The following CASR variants were observed in gnomAD, a reference collection of about 807,000 sequenced individuals.
CASR encodes the protein extracellular calcium-sensing receptor.
Under a neutral mutation model 69.1 loss-of-function variants are expected in CASR, and 23 were observed. The observed-to-expected ratio is 0.33, with a 90% confidence interval of 0.24 to 0.47. CASR has a LOEUF of 0.47. Among genes scored for constraint, CASR ranks in the 20% least tolerant of loss-of-function variants. The probability of loss-of-function intolerance (pLI) is 1.00; values close to 1 mark genes in which losing one functional copy is unlikely to be tolerated. For synonymous variants in CASR, 541 were observed against 544.7 expected, an observed-to-expected ratio of 0.99 and a Z score of 0.10; for missense variants, 924 against 1,356.1, an observed-to-expected ratio of 0.68 and a Z score of 5.00.
In CASR at chr3:122,227,534, C is replaced by T. The variant is rs372595380; in HGVS notation, c.-242-26414C>T. Among the ~76,000 whole-genome samples the T allele has an allele frequency of 3.9e-4, 59 of 152,324 alleles. No individual in the cohort carries two copies. The East Asian group carries it at 9.5e-3, about 24-fold the overall frequency. Reference sequence around the variant, plus strand: ...GCTGGCCCGCAAGCACCGTGTGCAGCCCTGGTTCCCACCCACGCCTCTCCC... The same window carrying T: ...GCTGGCCCGCAAGCACCGTGTGCAGTCCTGGTTCCCACCCACGCCTCTCCC... On this transcript the variant is annotated intron_variant, in intron 1 of 6. Transcript: ENST00000639785.
intron 4 of CASR, among the ~76,000 whole-genome samples, chr3:122,266,318 G>A (rs2074693544): frequency 1.3e-5 from 2 of 151,796 alleles, no homozygotes; most frequent in Non-Finnish European, 2.9e-5. Context: ...TGCATGTCCT[G>A]TATTTGCCCC....
intron 1 of CASR, among the ~76,000 whole-genome samples, chr3:122,241,518 T>C (rs1388421854): frequency 6.6e-6 from 1 of 151,842 alleles, no homozygotes; most frequent in African/African-American, 2.4e-5. Context: ...TAAAAAGTAA[T>C]GAAAACAAAG....
chr3:122,219,718 A>G (rs1224428059), intron 1 of CASR, among the ~76,000 whole-genome samples: 1 of 152,230 alleles, frequency 6.6e-6, no homozygotes, highest in East Asian at 1.9e-4. Flanking sequence ...TATGCCACCT[A>G]TGACACCATT....
chr3:122,220,624 C>G (rs1168762890), intron 1 of CASR, among the ~76,000 whole-genome samples: 4 of 152,172 alleles, frequency 2.6e-5, no homozygotes, highest in African/African-American at 9.7e-5. Flanking sequence ...CTTCTAAACT[C>G]TCTGCTTTGG....
At chr3:122,221,537 A>G (rs1046489652) in intron 1 of CASR, among the ~76,000 whole-genome samples, 9 of 152,194 alleles carry the variant, frequency 5.9e-5, no homozygotes, top group African/African-American at 2.2e-4. Context: ...AAGAGGCTCT[A>G]CTTCTGCAAT....
chr3:122,188,227 C>T (rs2073805578), intron 1 of CASR, among the ~76,000 whole-genome samples: 1 of 152,130 alleles, frequency 6.6e-6, no homozygotes, highest in Non-Finnish European at 1.5e-5. Flanking sequence ...TAATGATGGC[C>T]TGAACCATGG....
At chr3:122,252,445 G>GAAAGAA in intron 1 of CASR, among the ~76,000 whole-genome samples, 1 of 67,844 alleles carries the variant, frequency 1.5e-5, no homozygotes, top group African/African-American at 6.5e-5. Context: ...AAGAAAGAAA[G>GAAAGAA]AAAAAAAAGA....
intron 1 of CASR, among the ~76,000 whole-genome samples, chr3:122,192,898 C>G (rs772519540): frequency 3.7e-4 from 56 of 152,294 alleles, no homozygotes; most frequent in Middle Eastern, 3.4e-3. Flanking sequence ...ATACAGATTT[C>G]ATGGAACTCC....
intron 1 of CASR, among the ~76,000 whole-genome samples, chr3:122,241,963 T>C (rs564207811): frequency 2.0e-5 from 3 of 152,074 alleles, no homozygotes; most frequent in Non-Finnish European, 4.4e-5. Context: ...TGAAAAAGCA[T>C]TGGATAAAGT....
chr3:122,252,343 A>G (rs9833467), intron 1 of CASR, among the ~76,000 whole-genome samples: 30,309 of 61,224 alleles, frequency 0.5, 8,416 homozygotes, highest in Admixed American at 0.58. Context: ...AGAGAAAGAA[A>G]GAAGAAAGAA....
At chr3:122,280,698 T>A (rs1330293037) in intron 5 of CASR, among the ~76,000 whole-genome samples, 1 of 152,050 alleles carries the variant, frequency 6.6e-6, no homozygotes, top group Non-Finnish European at 1.5e-5. Context: ...TCTGTTCAAG[T>A]TTTTTTTAAC....
At chr3:122,215,199 G>A (rs1022926840) in intron 1 of CASR, among the ~76,000 whole-genome samples, 2 of 152,252 alleles carry the variant, frequency 1.3e-5, no homozygotes, top group African/African-American at 4.8e-5. Flanking sequence ...GCTGGGCTTT[G>A]TATGAGGCAA....
intron 1 of CASR, among the ~76,000 whole-genome samples, chr3:122,252,685 T>G (rs2074511062): frequency 6.6e-6 from 1 of 151,936 alleles, no homozygotes; most frequent in African/African-American, 2.4e-5. Context: ...AGGACAATGA[T>G]GAGAACAGAA....
rs200534176 is a variant in CASR at position 122,282,109 on chromosome 3, C to T, written c.1609-4C>T. ...CACTCACCTTTGTGCTGTCTGTCCT[C>T]CAGGTGCCCTTCTCCAACTGCAGCC... On this transcript the variant is annotated splice_polypyrimidine_tract_variant and splice_region_variant and intron_variant, in intron 5 of 6. Coordinates refer to ENST00000639785, the MANE Select transcript of CASR (RefSeq NM_000388.4). The T allele has an allele frequency of 5.6e-6, 9 of 1,614,232 alleles. No homozygotes were observed. The highest frequency in any genetic ancestry group is 7.6e-6 in the Non-Finnish European group (9 of 1,180,038).
intron 2 of CASR, among the ~76,000 whole-genome samples, chr3:122,256,732 C>G (rs897508528): frequency 1.3e-5 from 2 of 152,170 alleles, no homozygotes; most frequent in East Asian, 3.8e-4. Flanking sequence ...ATTCTCCTGC[C>G]TCAGCCTCCC....
chr3:122,189,948 T>C (rs554010721), intron 1 of CASR, among the ~76,000 whole-genome samples: 1 of 152,314 alleles, frequency 6.6e-6, no homozygotes, highest in African/African-American at 2.4e-5. Flanking sequence ...TGTTCACCAG[T>C]TGGGTCCCAA....
chr3:122,250,041 G>A (rs566423884), intron 1 of CASR, among the ~76,000 whole-genome samples: 1 of 152,302 alleles, frequency 6.6e-6, no homozygotes, highest in South Asian at 2.1e-4. Context: ...CGGGGAGAAG[G>A]GATAAGGGGC....
chr3:122,218,875 AG>A (rs1159988181), intron 1 of CASR, among the ~76,000 whole-genome samples: 1 of 152,226 alleles, frequency 6.6e-6, no homozygotes, highest in African/African-American at 2.4e-5. Flanking sequence ...CAAAAAAATA[AG>A]GGACATGTCA....
chr3:122,216,760 G>T (rs2074121064), intron 1 of CASR, among the ~76,000 whole-genome samples: 1 of 152,126 alleles, frequency 6.6e-6, no homozygotes, highest in Non-Finnish European at 1.5e-5. Flanking sequence ...GAACTTCTAG[G>T]CTCTGTAAGT....
Sources: gnomAD v4.1 joint callset for allele counts (sites outside exome capture counted in the v4.1 genomes callset) on GRCh38, gnomAD v4.1.1 for gene constraint, MANE v1.5 for transcripts, NCBI Gene and HGNC (gene_info 2026-07-23, HGNC 2026-07-21) for gene names.